KLHDC4: variants seen among roughly 807,000 people sequenced by gnomAD.
KLHDC4 encodes the protein kelch domain-containing protein 4.
A neutral mutation model predicts 62.4 loss-of-function variants in KLHDC4; 90 were observed. The observed-to-expected ratio is 1.44, with a 90% CI of 1.22 to 1.72. The LOEUF (loss-of-function observed/expected upper bound fraction) is 1.72, where lower values mean the gene tolerates loss of function less well. Ranked by LOEUF, KLHDC4 falls within the 40% of genes most tolerant of loss-of-function variation. The pLI is 0.00. For synonymous variants in KLHDC4, 386 were observed against 284.4 expected, an observed-to-expected ratio of 1.36 and a Z score of -3.59; for missense variants, 1,025 against 699.7, an observed-to-expected ratio of 1.47 and a Z score of -5.25.
chr16:87,760,941 G>A (rs982890398), intron 2 of KLHDC4, among the ~76,000 whole-genome samples: 8 of 151,970 alleles, frequency 5.3e-5, no homozygotes, highest in Non-Finnish European at 1.0e-4. Flanking sequence ...GCTGAGGCAG[G>A]AGAATCACTT....
intron 10 of KLHDC4, among the ~76,000 whole-genome samples, chr16:87,708,740 C>T (rs1005667040): frequency 2.6e-5 from 4 of 152,238 alleles, no homozygotes; most frequent in Admixed American, 6.5e-5. Flanking sequence ...CCCTCCACCC[C>T]GGCTCACGGT....
chr16:87,701,418 G>A (rs1169102364), exon 1 of KLHDC4: 7 of 342,894 alleles, frequency 2.0e-5, no homozygotes, highest in Non-Finnish European at 2.9e-5. Flanking sequence ...CTTTAAGTCT[G>A]TTTCTTCATG....
chr16:87,715,393 G>A (rs918526182), intron 7 of KLHDC4, among the ~76,000 whole-genome samples: 1 of 152,078 alleles, frequency 6.6e-6, no homozygotes, highest in East Asian at 1.9e-4. Context: ...CCCTTGTGAC[G>A]GATCAGGAAC....
At chr16:87,700,662 CAGAGGGCGGAGGGAGGAGGTT>C (rs2034097742) in exon 1 of KLHDC4, 1 of 161,592 alleles carries the variant, frequency 6.2e-6, no homozygotes, top group African/African-American at 4.1e-5. Flanking sequence ...GGGAGGAGGG[CAGAGGGCGGAGGGAGGAGGTT>C]GGAGGGCGGA....
intron 2 of KLHDC4, among the ~76,000 whole-genome samples, chr16:87,759,344 G>C (rs2045511127): frequency 6.6e-6 from 1 of 151,638 alleles, no homozygotes. Context: ...AGGCCAGCCT[G>C]ACTCCAGAGG....
At chr16:87,714,642 T>C in intron 7 of KLHDC4, 69 bp from the exon 8 acceptor site, 8 of 1,539,594 alleles carry the variant, frequency 5.2e-6, no homozygotes, top group Non-Finnish European at 7.2e-6. Flanking sequence ...CCCCCAACCC[T>C]GTGGGCGCAT....
chr16:87,743,565 C>A (rs917196347), intron 5 of KLHDC4, among the ~76,000 whole-genome samples: 5 of 151,788 alleles, frequency 3.3e-5, no homozygotes, highest in Non-Finnish European at 5.9e-5. Flanking sequence ...ACAGTGAAAC[C>A]CCGTCTCTAC....
chr16:87,733,350 G>A (rs1396835470), intron 5 of KLHDC4, among the ~76,000 whole-genome samples: 1 of 152,256 alleles, frequency 6.6e-6, no homozygotes, highest in African/African-American at 2.4e-5. Context: ...CGGGCAGCAG[G>A]TGCTCAGAAA....
intron 5 of KLHDC4, among the ~76,000 whole-genome samples, chr16:87,733,001 A>C (rs1389110891): frequency 7.3e-6 from 1 of 137,340 alleles, no homozygotes; most frequent in Non-Finnish European, 1.6e-5. Flanking sequence ...GTGAAAAGGC[A>C]GGTGCAAAGC....
chr16:87,765,680 G>C (rs1214316983), intron 1 of KLHDC4, 112 bp downstream of exon 1: 1 of 1,047,154 alleles, frequency 9.5e-7, no homozygotes, highest in Non-Finnish European at 1.3e-6. Flanking sequence ...CAGCTCTCCC[G>C]CAGGGCCGGC....
At position 87,709,642 on chromosome 16, in the gene KLHDC4, C is replaced by A. The variant is rs138763586; in HGVS notation, c.1070G>T (p.Arg357Leu). 1.9e-6 allele frequency: 3 copies of A among 1,604,446 alleles called. No homozygotes were observed. The change falls in exon 10 of 12, where the codon CGC becomes CTC. Residue 357 changes from arginine to leucine, a missense_variant. Arg to Leu is a moderately radical substitution (Grantham distance 102, BLOSUM62 -2). Transcript: ENST00000270583. ...GGGCTCCTCTTTTCTGCCCCGCCTG[C>A]GTTTCTTCTTTTCAGACTTGGGTCC... ...LKGPKSEKKKRRRGRKEEPEG... is the reference protein window; with the variant it reads ...LKGPKSEKKKLRRGRKEEPEG...
chr16:87,760,578 G>A (rs1269007663), intron 2 of KLHDC4, among the ~76,000 whole-genome samples: 1 of 138,846 alleles, frequency 7.2e-6, no homozygotes. Flanking sequence ...CTGTACTCCA[G>A]CCTGGGTGAC....
At chr16:87,717,907 G>C (rs2037328664) in intron 7 of KLHDC4, among the ~76,000 whole-genome samples, 1 of 152,154 alleles carries the variant, frequency 6.6e-6, no homozygotes. Flanking sequence ...AGCCTATGGG[G>C]GAATGTTTTA....
chr16:87,723,196 C>T lies in KLHDC4; in HGVS notation c.759+3569G>A, dbSNP rs566854564. 3.3e-5 allele frequency among the ~76,000 whole-genome samples: 5 copies of T among 151,574 alleles called. No individual in the cohort carries two copies. In the South Asian group the frequency reaches 1.1e-3, roughly 32 times the overall value. ...CGCAGCTGACCACCTGCTTAGGCTA[C>T]TGACTTTTTTTTACACTCCAAACCA... On this transcript the variant is annotated intron_variant, in intron 7 of 11. Coordinates refer to ENST00000270583, the MANE Select transcript of KLHDC4 (RefSeq NM_017566.4).
At chr16:87,739,096 AT>A (rs1567760044) in intron 5 of KLHDC4, among the ~76,000 whole-genome samples, 666 of 87,186 alleles carry the variant, frequency 7.6e-3, no homozygotes, top group African/African-American at 9.1e-3. Flanking sequence ...CACCTCATCC[AT>A]CCACACACCA....
chr16:87,748,927 GC>G, intron 4 of KLHDC4, 118 bp from the exon 5 acceptor site: 1 of 1,182,408 alleles, frequency 8.5e-7, no homozygotes. Context: ...AACATGACCA[GC>G]CCCACACTCA....
chr16:87,746,250 A>G (rs1959995130), intron 5 of KLHDC4, among the ~76,000 whole-genome samples: 1 of 152,138 alleles, frequency 6.6e-6, no homozygotes, highest in African/African-American at 2.4e-5. Context: ...AGCCTGGGCA[A>G]CAGAGTAAGA....
At chr16:87,705,129 C>G (rs2034508973), downstream of KLHDC4, among the ~76,000 whole-genome samples, 1 of 152,258 alleles carries the variant, frequency 6.6e-6, no homozygotes, top group Non-Finnish European at 1.5e-5. Flanking sequence ...CAGCTCACCA[C>G]AGCGAGGAAC....
chr16:87,709,294 G>A lies in KLHDC4; in HGVS notation c.1418C>T (p.Ala473Val), dbSNP rs781454057. Residue 473 changes from alanine (A) to valine (V), a missense_variant, in exon 10 of 12, where the codon GCG (alanine) becomes GTG (valine). Transcript: ENST00000270583. ...LHCLDLHRME[A>V]WKALVEMDPE... ...GTCCATCTCCACCAAGGCCTTCCAC[G>A]CCTCCATCCTGTGCAGGTCCAGGCA... The A allele has an allele frequency of 9.9e-6, 16 of 1,612,548 alleles. No individual in the cohort carries two copies. The highest frequency in any genetic ancestry group is 2.7e-5 in the African/African-American group (2 of 75,052).
Sources: gnomAD v4.1 joint callset for allele counts (sites outside exome capture counted in the v4.1 genomes callset) on GRCh38, gnomAD v4.1.1 for gene constraint, MANE v1.5 for transcripts, NCBI Gene and HGNC (gene_info 2026-07-23, HGNC 2026-07-21) for gene names.